Variants in CNOT6 observed in about 807,000 individuals in gnomAD.
The protein encoded by CNOT6 is CCR4-NOT transcription complex subunit 6, also known as carbon catabolite repression 4 protein.
In CNOT6, 12 loss-of-function variants were observed where a neutral mutation model predicts 61.2. The ratio of observed to expected loss-of-function variants is 0.20; its 90% CI spans 0.13 to 0.32. CNOT6 has a LOEUF of 0.32. CNOT6 is among the 10% of genes least tolerant of loss of function. The pLI is 1.00. For synonymous variants in CNOT6, 225 were observed against 240.6 expected (o/e 0.94, Z 0.60); for missense variants, 405 against 663.9 (o/e 0.61, Z 4.28).
chr5:180,524,471 A>G (rs891740387), intron 1 of CNOT6, among the ~76,000 whole-genome samples: 3 of 151,824 alleles, frequency 2.0e-5, no homozygotes, highest in East Asian at 1.9e-4. Context: ...CTAATTCTCA[A>G]TCTCAGAGAT....
chr5:180,521,140 A>G (rs1757863017), intron 1 of CNOT6, among the ~76,000 whole-genome samples: 1 of 152,158 alleles, frequency 6.6e-6, no homozygotes, highest in Non-Finnish European at 1.5e-5. Context: ...CGCCTGGCAC[A>G]TTCCATCTTC....
chr5:180,537,309 A>AT (rs977644657), intron 2 of CNOT6, among the ~76,000 whole-genome samples: 4 of 151,814 alleles, frequency 2.6e-5, no homozygotes, highest in Admixed American at 1.3e-4. Flanking sequence ...AGTGTTTTGG[A>AT]TTTTTTTGCC....
chr5:180,505,884 C>T (rs1192646634), intron 1 of CNOT6, among the ~76,000 whole-genome samples: 1 of 152,116 alleles, frequency 6.6e-6, no homozygotes, highest in Admixed American at 6.5e-5. Flanking sequence ...AAAAGGGTCC[C>T]GAGACGGTAG....
intron 4 of CNOT6, among the ~76,000 whole-genome samples, chr5:180,562,570 C>G (rs549799050): frequency 4.6e-5 from 7 of 152,026 alleles, no homozygotes; most frequent in African/African-American, 1.4e-4. Context: ...GAAACCCTGT[C>G]TCTACTAAAA....
chr5:180,518,117 A>AT (rs1025657200), intron 1 of CNOT6, among the ~76,000 whole-genome samples: 4 of 151,798 alleles, frequency 2.6e-5, no homozygotes, highest in African/African-American at 9.7e-5. Context: ...TTTTGGCTTG[A>AT]TTTTTTGAGG....
At chr5:180,541,484 C>G (rs1360275167) in intron 2 of CNOT6, among the ~76,000 whole-genome samples, 1 of 111,338 alleles carries the variant, frequency 9.0e-6, no homozygotes, top group Non-Finnish European at 1.7e-5. Context: ...CAGAGTTTCG[C>G]TCTGTTGCCC....
At position 180,577,857 on chromosome 5, in the gene CNOT6, C is replaced by A. The variant is rs796703490; in HGVS notation, c.*3657C>A. On this transcript the variant is annotated 3_prime_UTR_variant, in exon 12 of 12. Transcript: ENST00000261951. ...GCTTTTACTGTTCTGTTCAGTGGAACCTTCTTGGTCAAATTGTAATTAGCT... is the reference window on the plus strand; with the variant it reads ...GCTTTTACTGTTCTGTTCAGTGGAAACTTCTTGGTCAAATTGTAATTAGCT... 6.6e-5 allele frequency: 10 copies of A among 152,662 alleles called. No homozygotes were observed. Among genetic ancestry groups the A allele is most frequent in the African/African-American group, 2.4e-4 (10 of 41,542 alleles). 9.5% of individuals were successfully genotyped at this position (152,662 alleles called of 1,614,324 possible). A position where few individuals can be genotyped will look rare whatever the true frequency, so the allele number is the denominator to read the frequency against.
Position 180,575,449 on chromosome 5 carries a change from CTTTTTG to C in CNOT6, c.*1252_*1257del, listed in dbSNP as rs1165540409. The C allele has an allele frequency of 1.1e-4, 16 of 151,308 alleles. No homozygotes were observed. Among genetic ancestry groups the C allele is most frequent in the African/African-American group, 3.9e-4 (16 of 41,284 alleles). 9.4% of individuals were successfully genotyped at this position (151,308 alleles called of 1,614,324 possible). ...TTGTCGTCAGTGTCTTTTCCTTAGT[CTTTTTG>C]TTGTTGTTGTTGTTGTTGTTTTAAT... On this transcript the variant is annotated 3_prime_UTR_variant, in exon 12 of 12. Coordinates refer to ENST00000261951, the MANE Select transcript of CNOT6 (RefSeq NM_001370472.1).
At chr5:180,547,366 G>C (rs1391637252) in intron 2 of CNOT6, among the ~76,000 whole-genome samples, 5 of 151,808 alleles carry the variant, frequency 3.3e-5, no homozygotes, top group African/African-American at 1.2e-4. Flanking sequence ...CTAAAAATAT[G>C]AAACTTAGCT....
Position 180,569,270 on chromosome 5 carries a change from C to T in CNOT6, c.1188C>T (p.Ser396=). Residue 396 remains serine (S), a synonymous_variant, in exon 10 of 12, where the codon TCC becomes TCT. Coordinates refer to ENST00000261951, the MANE Select transcript of CNOT6 (RefSeq NM_001370472.1). The stretch of plus-strand genomic sequence containing the variant: ...ATAAAGCCTCTCGCAACCTCAAATC[C>T]AGTGTTTTGGGAGAATTTGGAACTA... ...IIDKASRNLK[S]SVLGEFGTIP... is the part of the protein sequence containing the mutation. 6.2e-7 allele frequency: 1 copy of T among 1,614,150 alleles called. No homozygotes were observed. Among genetic ancestry groups the T allele is most frequent in the Non-Finnish European group, 8.5e-7 (1 of 1,179,998 alleles).
At chr5:180,497,936 G>A (rs1756688253) in intron 1 of CNOT6, among the ~76,000 whole-genome samples, 2 of 151,760 alleles carry the variant, frequency 1.3e-5, no homozygotes, top group East Asian at 1.9e-4. Flanking sequence ...CCAGCTACTC[G>A]GGAGACTGAG....
Position 180,538,686 on chromosome 5 carries a change from G to GTATATATATATATATATA in CNOT6, c.112+9311_112+9328dup, listed in dbSNP as rs59342527. ...GAGCGAGACTCTGTCTGAGAAAAAG[G>GTATATATATATATATATA]TATATATATATATATATATATATAT... On this transcript the variant is annotated intron_variant, in intron 2 of 11. Coordinates refer to ENST00000261951, the MANE Select transcript of CNOT6 (RefSeq NM_001370472.1). Among the ~76,000 whole-genome samples, 363 of 84,890 alleles carry GTATATATATATATATATA rather than the reference G, an allele frequency of 4.3e-3. 4 individuals are homozygous for GTATATATATATATATATA. The highest frequency in any genetic ancestry group is 9.0e-3 in the East Asian group (14 of 1,548). 55.7% of individuals were successfully genotyped at this position (84,890 alleles called of 152,430 possible). A position where few individuals can be genotyped will look rare whatever the true frequency, so the allele number is the denominator to read the frequency against.
chr5:180,564,885 T>C (rs1303221786), intron 6 of CNOT6, 142 bp downstream of exon 6: 2 of 656,016 alleles, frequency 3.0e-6, no homozygotes. Context: ...AAAAAAGAAT[T>C]CTTGCTCACA....
intron 8 of CNOT6, among the ~76,000 whole-genome samples, chr5:180,567,604 C>G (rs1319608322): frequency 6.6e-6 from 1 of 152,018 alleles, no homozygotes; most frequent in Non-Finnish European, 1.5e-5. Flanking sequence ...AAAACTTAAA[C>G]AGAAGATGAC....
At chr5:180,568,765 C>T (rs1479943630) in intron 9 of CNOT6, among the ~76,000 whole-genome samples, 2 of 152,032 alleles carry the variant, frequency 1.3e-5, no homozygotes, top group Admixed American at 6.5e-5. Flanking sequence ...TAACGATTGT[C>T]TTAAATCTAA....
intron 2 of CNOT6, among the ~76,000 whole-genome samples, chr5:180,546,893 T>G (rs2127740536): frequency 6.6e-6 from 1 of 152,378 alleles, no homozygotes; most frequent in Non-Finnish European, 1.5e-5. Flanking sequence ...TTTTGAATGC[T>G]TACATATATG....
intron 3 of CNOT6, 71 bp from the exon 4 acceptor site, chr5:180,553,315 A>G (rs879128432): frequency 2.9e-6 from 3 of 1,035,392 alleles, no homozygotes; most frequent in African/African-American, 1.6e-5. Context: ...GTTCCTAGAA[A>G]CTATGTTGTT....
chr5:180,570,639 C>A (rs1207223254), intron 10 of CNOT6, among the ~76,000 whole-genome samples: 1 of 152,150 alleles, frequency 6.6e-6, no homozygotes, highest in Non-Finnish European at 1.5e-5. Context: ...TAATAGCAGG[C>A]AGGTCAGAAA....
intron 1 of CNOT6, among the ~76,000 whole-genome samples, chr5:180,504,751 C>T (rs983628208): frequency 1.3e-4 from 20 of 151,980 alleles, no homozygotes; most frequent in African/African-American, 4.1e-4. Context: ...AAGAGATTTG[C>T]GGAACTGAGA....
Sources: gnomAD v4.1 joint callset for allele counts (sites outside exome capture counted in the v4.1 genomes callset) on GRCh38, gnomAD v4.1.1 for gene constraint, MANE v1.5 for transcripts, NCBI Gene and HGNC (gene_info 2026-07-23, HGNC 2026-07-21) for gene names.